The following GAL3ST1 variants were observed in gnomAD, a reference collection of about 807,000 sequenced individuals.
The protein encoded by GAL3ST1 is galactosylceramide sulfotransferase.
GAL3ST1 carries 13 observed loss-of-function variants against 25.0 expected under a neutral mutation model. That is an observed-to-expected ratio of 0.52 (90% CI 0.34 to 0.83). The LOEUF is 0.83. GAL3ST1 is among the 40% of genes least tolerant of loss of function. GAL3ST1 has a pLI of 0.02. For missense variants in GAL3ST1, 474 were observed against 613.6 expected (o/e 0.77, Z 2.40); for synonymous variants, 274 against 277.8 (o/e 0.99, Z 0.14).
chr22:30,565,030 T>C (rs2086581344), intron 1 of GAL3ST1: 1 of 152,408 alleles, frequency 6.6e-6, no homozygotes, highest in East Asian at 1.9e-4. Context: ...CCTGCAGGTG[T>C]TGCCCAGGCC....
At chr22:30,567,767 T>A (rs2086667917) in intron 1 of GAL3ST1, among the ~76,000 whole-genome samples, 1 of 152,142 alleles carries the variant, frequency 6.6e-6, no homozygotes, top group Non-Finnish European at 1.5e-5. Flanking sequence ...CACTGCAACC[T>A]CTGCCCCCTG....
At chr22:30,562,367 G>T (rs1171103369) in intron 1 of GAL3ST1, among the ~76,000 whole-genome samples, 2 of 152,060 alleles carry the variant, frequency 1.3e-5, no homozygotes, top group Non-Finnish European at 2.9e-5. Context: ...GTAGAGATGG[G>T]GGCTCTCACT....
At chr22:30,559,135 G>C (rs889191108) in intron 1 of GAL3ST1, among the ~76,000 whole-genome samples, 2 of 151,890 alleles carry the variant, frequency 1.3e-5, no homozygotes, top group Non-Finnish European at 2.9e-5. Flanking sequence ...TCCTGCCTGG[G>C]TGACAGAGTG....
intron 3 of GAL3ST1, 152 bp downstream of exon 3, chr22:30,557,110 A>G: frequency 2.8e-6 from 2 of 705,906 alleles, no homozygotes; most frequent in East Asian, 2.8e-5. Flanking sequence ...CTCTGCCATC[A>G]GTGGAATTTC....
At chr22:30,557,779 C>G (rs2086129543) in intron 2 of GAL3ST1, 1 of 85,980 alleles carries the variant, frequency 1.2e-5, no homozygotes, top group Non-Finnish European at 2.2e-5. Context: ...ACAACTAATA[C>G]TTATTACCTT....
Position 30,555,529 on chromosome 22 carries a change from G to T in GAL3ST1, c.696C>A (p.Ser232Arg). The T allele has an allele frequency of 6.2e-7, 1 of 1,613,706 alleles. No individual in the cohort carries two copies. ...CCAGGATGTGCTCCTGCACCTGCGG[G>T]CTGCTGGGGTCCAGGCTGTTGTCAT... ...LGYDNSLDPS[S>R]PQVQEHILEV... Residue 232 changes from serine to arginine, a missense_variant, in exon 4 of 4, where the codon AGC becomes AGA. Physicochemically the swap from Ser to Arg is moderately radical, Grantham distance 110. This residue lies in a region of GAL3ST1 where 359 missense variants were observed against 504.4 expected (regional missense o/e 0.71). Transcript: ENST00000406361. The surrounding 1 kb of genome is among the most constrained non-coding windows in gnomAD (Gnocchi z 8.6).
chr22:30,564,074 T>G (rs997411464), intron 1 of GAL3ST1, among the ~76,000 whole-genome samples: 2 of 152,204 alleles, frequency 1.3e-5, no homozygotes, highest in Non-Finnish European at 1.5e-5. Context: ...CCGAAACACT[T>G]CTGGTCCCAA....
In GAL3ST1 at chr22:30,558,366, G is replaced by C. The variant is rs1437647556; in HGVS notation, c.-97C>G. On this transcript the variant is annotated 5_prime_UTR_variant, in exon 2 of 4. Coordinates refer to ENST00000406361, the MANE Select transcript of GAL3ST1 (RefSeq NM_001318104.2). ...GCCATGACTGTGCCGCTGCACTCCAGCTCTGGATGACACAGTGAGACCCTG... is the reference window on the plus strand; with the variant it reads ...GCCATGACTGTGCCGCTGCACTCCACCTCTGGATGACACAGTGAGACCCTG... 2.6e-5 allele frequency: 4 copies of C among 152,194 alleles called. No homozygotes were observed. Among genetic ancestry groups the C allele is most frequent in the Non-Finnish European group, 5.9e-5 (4 of 68,062 alleles). 9.4% of individuals were successfully genotyped at this position (152,194 alleles called of 1,614,324 possible).
At chr22:30,564,247 A>T (rs1188481514) in intron 1 of GAL3ST1, among the ~76,000 whole-genome samples, 1 of 152,144 alleles carries the variant, frequency 6.6e-6, no homozygotes, top group Non-Finnish European at 1.5e-5. Context: ...CATTATCATC[A>T]TTACGTTCCC....
chr22:30,562,202 C>T (rs999141330), intron 1 of GAL3ST1, among the ~76,000 whole-genome samples: 1 of 152,126 alleles, frequency 6.6e-6, no homozygotes, highest in Non-Finnish European at 1.5e-5. Context: ...CAGGCATGCA[C>T]CACCATGCCT....
chr22:30,565,459 A>G (rs1196405362), intron 1 of GAL3ST1, among the ~76,000 whole-genome samples: 1 of 152,188 alleles, frequency 6.6e-6, no homozygotes, highest in African/African-American at 2.4e-5. Flanking sequence ...ACAACCAGGG[A>G]CCAAGGTTTA....
Position 30,555,376 on chromosome 22 carries a change from G to A in GAL3ST1, c.849C>T (p.Asp283=). The A allele has an allele frequency of 6.2e-7, 1 of 1,608,454 alleles. No individual in the cohort carries two copies. Among genetic ancestry groups the A allele is most frequent in the South Asian group, 1.1e-5 (1 of 91,076 alleles). Residue 283 remains aspartate, a synonymous_variant, in exon 4 of 4, where the codon GAC becomes GAT. Transcript: ENST00000406361. This position sits in a 1 kb window ranked among gnomAD's most constrained non-coding sequence, Gnocchi z 8.6. ...VLYFKLNARR[D]SPVPRLSGEL... is the part of the protein sequence containing the mutation. ...CCCCCGAGAGCCGCGGCACGGGCGA[G>A]TCGCGGCGGGCGTTGAGCTTGAAGT...
intron 1 of GAL3ST1, among the ~76,000 whole-genome samples, chr22:30,561,395 A>C (rs971590821): frequency 2.6e-5 from 4 of 152,106 alleles, no homozygotes; most frequent in African/African-American, 9.7e-5. Flanking sequence ...CAGAGCATCT[A>C]ACTGACCCTA....
intron 1 of GAL3ST1, chr22:30,564,785 C>T (rs2086573084): frequency 6.6e-6 from 1 of 152,256 alleles, no homozygotes; most frequent in African/African-American, 2.4e-5. Context: ...ATCCTACTTT[C>T]CCTGTAACCC....
chr22:30,571,409 A>C (rs2086781397), intron 1 of GAL3ST1, among the ~76,000 whole-genome samples: 1 of 152,212 alleles, frequency 6.6e-6, no homozygotes, highest in Non-Finnish European at 1.5e-5. Context: ...TCAGAGGACC[A>C]CTTCCAAAAT....
intron 1 of GAL3ST1, among the ~76,000 whole-genome samples, chr22:30,570,622 C>A (rs577326735): frequency 6.6e-6 from 1 of 152,236 alleles, no homozygotes; most frequent in African/African-American, 2.4e-5. Flanking sequence ...ATGGAGAAAC[C>A]CCATCTCTAC....
intron 2 of GAL3ST1, chr22:30,557,818 C>A (rs2086134262): frequency 6.6e-6 from 1 of 151,248 alleles, no homozygotes. Context: ...ATTTTTTCTT[C>A]TGTTTCTTTT....
At chr22:30,556,290 T>TG (rs1164967415) in intron 3 of GAL3ST1, among the ~76,000 whole-genome samples, 197 bp from the exon 4 acceptor site, 1 of 152,008 alleles carries the variant, frequency 6.6e-6, no homozygotes, top group East Asian at 1.9e-4. Flanking sequence ...TTCTGTGAAA[T>TG]GGGGACGATA....
rs199784323 is a variant in GAL3ST1, at chr22:30,555,997, G to T, written c.228C>A (p.Arg76=). ...NGSAGECQPR[R]NIVFLKTHKT... ...TGTGCGTCTTCAAGAACACGATGTT[G>T]CGCCGCGGCTGGCACTCCCCCGCCG... Residue 76 remains arginine (R), a synonymous_variant, in exon 4 of 4, where the codon CGC becomes CGA. Coordinates refer to ENST00000406361, the MANE Select transcript of GAL3ST1 (RefSeq NM_001318104.2). This position sits in a 1 kb window ranked among gnomAD's most constrained non-coding sequence, Gnocchi z 8.6. 1.7e-5 allele frequency: 27 copies of T among 1,612,632 alleles called. No homozygotes were observed. In the Admixed American group the frequency reaches 3.2e-4, roughly 19 times the overall value.
Sources: gnomAD v4.1 joint callset for allele counts (sites outside exome capture counted in the v4.1 genomes callset) on GRCh38, gnomAD v4.1.1 for gene constraint, gnomAD v4.1.1 regional missense constraint, Gnocchi (gnomAD v3.1) non-coding constraint, MANE v1.5 for transcripts, NCBI Gene and HGNC (gene_info 2026-07-23, HGNC 2026-07-21) for gene names.